The following CUX1 variants were observed in gnomAD, a reference collection of about 807,000 sequenced individuals.
The protein encoded by CUX1 is protein CASP.
Under a neutral mutation model 158.8 loss-of-function variants are expected in CUX1, and 31 were observed. The observed-to-expected ratio is 0.20, with a 90% CI of 0.15 to 0.26. CUX1 has a LOEUF of 0.26. CUX1 is among the 10% of genes least tolerant of loss of function. The probability of loss-of-function intolerance (pLI) is 1.00; values close to 1 mark genes in which losing one functional copy is unlikely to be tolerated. For missense variants in CUX1, 1,589 were observed against 2,014.6 expected (o/e 0.79, Z 4.04); for synonymous variants, 879 against 862.1 (o/e 1.02, Z -0.34).
chr7:102,120,383 G>A (rs1274310681), intron 8 of CUX1, among the ~76,000 whole-genome samples: 3 of 152,292 alleles, frequency 2.0e-5, no homozygotes, highest in East Asian at 1.9e-4. Context: ...ATATTGAATC[G>A]CACTGAAATA....
chr7:101,943,800 T>C (rs1361711122), intron 2 of CUX1, among the ~76,000 whole-genome samples: 2 of 152,044 alleles, frequency 1.3e-5, no homozygotes, highest in Admixed American at 1.3e-4. Context: ...ACCTGCCACT[T>C]AGCCATTCCA....
chr7:102,203,538 T>G (rs1795663160), intron 18 of CUX1, among the ~76,000 whole-genome samples: 1 of 152,208 alleles, frequency 6.6e-6, no homozygotes, highest in African/African-American at 2.4e-5. Flanking sequence ...AGATTTCTAG[T>G]TCAGTGTTGT....
In CUX1 at chr7:102,097,440, C is replaced by A; in HGVS notation, c.345C>A (p.Asn115Lys). The A allele has an allele frequency of 6.2e-7, 1 of 1,613,574 alleles. No homozygotes were observed. The highest frequency in any genetic ancestry group is 8.5e-7 in the Non-Finnish European group (1 of 1,179,918). Reference sequence around the variant, plus strand: ...GCCTGCACGATATTGAAACAGAGAACCAGAAACTTAGGGAAACTCTGGAAG... The same window carrying A: ...GCCTGCACGATATTGAAACAGAGAAACAGAAACTTAGGGAAACTCTGGAAG... Reference protein sequence around the residue: ...VQRLHDIETENQKLRETLEEY... With the variant: ...VQRLHDIETEKQKLRETLEEY... Residue 115 changes from asparagine (N) to lysine (K), a missense_variant, in exon 5 of 24, where the codon AAC becomes AAA. This residue lies in a region of CUX1 where 515 missense variants were observed against 574.4 expected (regional missense o/e 0.90). Coordinates refer to ENST00000292535, the MANE Select transcript of CUX1 (RefSeq NM_181552.4).
At chr7:102,040,230 G>A (rs1821910276) in intron 3 of CUX1, among the ~76,000 whole-genome samples, 2 of 152,212 alleles carry the variant, frequency 1.3e-5, no homozygotes, top group African/African-American at 4.8e-5. Context: ...AGAGCGGGAA[G>A]AGGTGGTAGT....
chr7:101,940,530 G>T (rs1000757611), intron 2 of CUX1, among the ~76,000 whole-genome samples: 3 of 151,896 alleles, frequency 2.0e-5, no homozygotes, highest in African/African-American at 7.3e-5. Flanking sequence ...AATTAAAGAC[G>T]CTCTTCTAGT....
intron 2 of CUX1, among the ~76,000 whole-genome samples, chr7:102,015,249 A>T (rs538834554): frequency 3.3e-5 from 5 of 152,252 alleles, no homozygotes; most frequent in African/African-American, 1.2e-4. Context: ...TATTTTTGGG[A>T]TGGAGTCTCA....
chr7:101,885,998 G>C (rs1039164748), intron 1 of CUX1, among the ~76,000 whole-genome samples: 1 of 152,168 alleles, frequency 6.6e-6, no homozygotes, highest in African/African-American at 2.4e-5. Context: ...AGCACATCTG[G>C]AATTCCAGCC....
intron 2 of CUX1, among the ~76,000 whole-genome samples, chr7:101,919,669 G>A (rs1183884968): frequency 1.3e-5 from 2 of 152,216 alleles, no homozygotes; most frequent in African/African-American, 2.4e-5. Flanking sequence ...CCTGGTGTCT[G>A]ATGAATGTCT....
At chr7:102,158,750 G>C in intron 9 of CUX1, 142 bp downstream of exon 9, 1 of 739,668 alleles carries the variant, frequency 1.4e-6, no homozygotes, top group Non-Finnish European at 2.3e-6. Flanking sequence ...TGCTCCTTCT[G>C]TTGTCATGAG....
intron 21 of CUX1, among the ~76,000 whole-genome samples, chr7:102,228,284 C>T (rs1554529452): frequency 6.6e-6 from 1 of 152,026 alleles, no homozygotes; most frequent in African/African-American, 2.4e-5. Context: ...TCAATAGAGA[C>T]AGTCTGAGTA....
At chr7:101,946,841 C>T (rs1023249017) in intron 2 of CUX1, among the ~76,000 whole-genome samples, 2 of 152,116 alleles carry the variant, frequency 1.3e-5, no homozygotes, top group Non-Finnish European at 2.9e-5. Flanking sequence ...GATGCTCAAC[C>T]CATGCTGCTG....
chr7:101,899,274 C>G (rs924584237), intron 1 of CUX1, among the ~76,000 whole-genome samples: 1 of 152,152 alleles, frequency 6.6e-6, no homozygotes, highest in South Asian at 2.1e-4. Flanking sequence ...GGAGGCTGGG[C>G]GCAGTGGCTC....
At chr7:101,979,489 G>T (rs1813138066) in intron 2 of CUX1, among the ~76,000 whole-genome samples, 1 of 152,076 alleles carries the variant, frequency 6.6e-6, no homozygotes, top group African/African-American at 2.4e-5. Flanking sequence ...ATCAAACGTT[G>T]GGTTGATTTA....
At chr7:102,150,300 C>T (rs1033571686) in intron 8 of CUX1, among the ~76,000 whole-genome samples, 1 of 152,074 alleles carries the variant, frequency 6.6e-6, no homozygotes, top group Non-Finnish European at 1.5e-5. Context: ...GGATTACAGG[C>T]GCTCGCCACC....
chr7:101,860,544 C>T (rs1439482616), intron 1 of CUX1, among the ~76,000 whole-genome samples: 1 of 152,116 alleles, frequency 6.6e-6, no homozygotes, highest in Non-Finnish European at 1.5e-5. Flanking sequence ...CAGTGTGTCA[C>T]CTGCTGTCAC....
At chr7:102,261,420 G>C (rs1011032839), downstream of CUX1, among the ~76,000 whole-genome samples, 1 of 152,158 alleles carries the variant, frequency 6.6e-6, no homozygotes, top group Admixed American at 6.5e-5. Context: ...CTTGAACCCA[G>C]GAGGCGGAGG....
chr7:102,188,415 C>G (rs1336205836), intron 11 of CUX1, among the ~76,000 whole-genome samples: 1 of 152,080 alleles, frequency 6.6e-6, no homozygotes, highest in Non-Finnish European at 1.5e-5. Context: ...CAAAAGCAAA[C>G]TAGTCCAAAA....
intron 1 of CUX1, among the ~76,000 whole-genome samples, chr7:101,877,255 C>A (rs1799238850): frequency 6.6e-6 from 1 of 152,200 alleles, no homozygotes; most frequent in South Asian, 2.1e-4. Flanking sequence ...ACCTCCCCAC[C>A]CACTGTTGTT....
chr7:102,181,643 C>A (rs1793098127), intron 11 of CUX1, among the ~76,000 whole-genome samples: 1 of 152,154 alleles, frequency 6.6e-6, no homozygotes, highest in African/African-American at 2.4e-5. Context: ...TCATTGCTAC[C>A]TTATCTTCAT....
Sources: gnomAD v4.1 joint callset for allele counts (sites outside exome capture counted in the v4.1 genomes callset) on GRCh38, gnomAD v4.1.1 for gene constraint, gnomAD v4.1.1 regional missense constraint, MANE v1.5 for transcripts, NCBI Gene and HGNC (gene_info 2026-07-23, HGNC 2026-07-21) for gene names.